The following VAV3 variants were observed in gnomAD, a reference collection of about 807,000 sequenced individuals.
VAV3 encodes guanine nucleotide exchange factor VAV3.
Under a neutral mutation model 131.2 loss-of-function variants are expected in VAV3, and 94 were observed. The ratio of observed to expected loss-of-function variants is 0.72; its 90% CI spans 0.61 to 0.85. The LOEUF (loss-of-function observed/expected upper bound fraction) is 0.85, where lower values mean the gene tolerates loss of function less well. VAV3 is among the 40% of genes least tolerant of loss of function. The probability of loss-of-function intolerance (pLI) is 0.00; values close to 1 mark genes in which losing one functional copy is unlikely to be tolerated. For synonymous variants in VAV3, 349 were observed against 342.0 expected, an observed-to-expected ratio of 1.02 and a Z score of -0.22; for missense variants, 939 against 1,002.7, an observed-to-expected ratio of 0.94 and a Z score of 0.86.
intron 2 of VAV3, among the ~76,000 whole-genome samples, chr1:107,780,265 C>T (rs1294152337): frequency 6.6e-6 from 1 of 152,176 alleles, no homozygotes; most frequent in Non-Finnish European, 1.5e-5. Context: ...AGTAGCTATT[C>T]TGTATAATCA....
At chr1:107,797,407 A>G (rs949549275) in intron 2 of VAV3, among the ~76,000 whole-genome samples, 1 of 152,192 alleles carries the variant, frequency 6.6e-6, no homozygotes, top group Non-Finnish European at 1.5e-5. Context: ...CAAGGGAAAG[A>G]TGTAATCCCT....
At chr1:107,766,821 G>GA (rs1664758004) in intron 7 of VAV3, among the ~76,000 whole-genome samples, 1 of 151,988 alleles carries the variant, frequency 6.6e-6, no homozygotes, top group Non-Finnish European at 1.5e-5. Context: ...AAGATAAGGG[G>GA]AAGGCAGAGG....
At chr1:107,925,907 T>TGTTATATAC (rs1248291985) in intron 1 of VAV3, among the ~76,000 whole-genome samples, 1 of 151,344 alleles carries the variant, frequency 6.6e-6, no homozygotes, top group Non-Finnish European at 1.5e-5. Context: ...ATGATATATA[T>TGTTATATAC]GTTACATATA....
In VAV3 at chr1:107,749,453, A is replaced by T. The variant is rs765526823; in HGVS notation, c.1392+9T>A. On this transcript the variant is annotated intron_variant, in intron 14 of 26. Coordinates refer to ENST00000370056, the MANE Select transcript of VAV3 (RefSeq NM_006113.5). ...AGTAAATTACAGTTATTAGTTTCCAAAAAGTCACCTTTTTGTTTTCTTTAT... is the reference window on the plus strand; with the variant it reads ...AGTAAATTACAGTTATTAGTTTCCATAAAGTCACCTTTTTGTTTTCTTTAT... 3.2e-6 allele frequency: 5 copies of T among 1,585,662 alleles called. No individual in the cohort carries two copies. Among genetic ancestry groups the T allele is most frequent in the Non-Finnish European group, 4.3e-6 (5 of 1,172,676 alleles).
chr1:107,602,012 C>A (rs1032881355), intron 24 of VAV3, among the ~76,000 whole-genome samples: 2 of 151,818 alleles, frequency 1.3e-5, no homozygotes, highest in African/African-American at 2.4e-5. Context: ...AAAAAATGAA[C>A]CTAAATGTTA....
Position 107,740,532 on chromosome 1 carries a change from T to C in VAV3, c.1502+8436A>G, listed in dbSNP as rs114409675. Among the ~76,000 whole-genome samples the C allele has an allele frequency of 6.4e-3, 978 of 152,264 alleles. 10 individuals are homozygous for C. Among genetic ancestry groups the C allele is most frequent in the African/African-American group, 0.02 (837 of 41,544 alleles). On this transcript the variant is annotated intron_variant, in intron 15 of 26. Transcript: ENST00000370056. ...TAATTCATCCAGGTTTATAGTTTTTTTTGGTGGAGTTAAAAAACATTTTGG... is the reference window on the plus strand; with the variant it reads ...TAATTCATCCAGGTTTATAGTTTTTCTTGGTGGAGTTAAAAAACATTTTGG...
At chr1:107,648,489 C>T (rs954700661) in intron 19 of VAV3, among the ~76,000 whole-genome samples, 1 of 151,880 alleles carries the variant, frequency 6.6e-6, no homozygotes, top group Admixed American at 6.6e-5. Flanking sequence ...AAATGTTTCC[C>T]TAAAATATTT....
chr1:107,760,900 C>T (rs1018549307), intron 9 of VAV3, 21 bp from the exon 10 acceptor site: 3 of 1,585,780 alleles, frequency 1.9e-6, no homozygotes, highest in Non-Finnish European at 2.6e-6. Flanking sequence ...GTTTTAAAAA[C>T]ACTTTGTTAG....
At chr1:107,694,971 C>T (rs1448286639) in intron 17 of VAV3, among the ~76,000 whole-genome samples, 1 of 152,126 alleles carries the variant, frequency 6.6e-6, no homozygotes, top group African/African-American at 2.4e-5. Context: ...TTAGGAGTGT[C>T]AGAAAAGGTT....
intron 2 of VAV3, among the ~76,000 whole-genome samples, chr1:107,820,167 T>C (rs1428818496): frequency 2.0e-5 from 3 of 152,212 alleles, no homozygotes; most frequent in Admixed American, 1.3e-4. Context: ...CCCCTGTTTA[T>C]CACAGTACTG....
chr1:107,711,411 C>T (rs1212405365), intron 15 of VAV3, among the ~76,000 whole-genome samples: 1 of 152,162 alleles, frequency 6.6e-6, no homozygotes, highest in Non-Finnish European at 1.5e-5. Context: ...GTATAAATCA[C>T]ATTTTTTTTA....
chr1:107,803,053 C>A (rs1468256640), intron 2 of VAV3, among the ~76,000 whole-genome samples: 1 of 151,874 alleles, frequency 6.6e-6, no homozygotes, highest in Non-Finnish European at 1.5e-5. Context: ...TCTATTTCTT[C>A]GTGGCTTAAT....
intron 1 of VAV3, among the ~76,000 whole-genome samples, chr1:107,888,514 A>T (rs142993792): frequency 5.8e-4 from 89 of 152,228 alleles, no homozygotes; most frequent in African/African-American, 2.0e-3. Flanking sequence ...GCTGGAGTAC[A>T]ATGGTGCAAT....
intron 15 of VAV3, among the ~76,000 whole-genome samples, chr1:107,741,605 T>A (rs1180664628): frequency 3.3e-5 from 5 of 152,050 alleles, no homozygotes; most frequent in African/African-American, 1.2e-4. Flanking sequence ...AAGGCATAGA[T>A]CCTTTCTCCT....
intron 2 of VAV3, among the ~76,000 whole-genome samples, chr1:107,825,452 C>T (rs1288406382): frequency 2.6e-5 from 4 of 151,062 alleles, no homozygotes; most frequent in East Asian, 1.9e-4. Context: ...ATAGTACCCT[C>T]GCGGGAAAAA....
At chr1:107,900,161 A>C (rs576531919) in intron 1 of VAV3, among the ~76,000 whole-genome samples, 36 of 152,218 alleles carry the variant, frequency 2.4e-4, no homozygotes, top group Non-Finnish European at 4.3e-4. Context: ...ACAGTTACAC[A>C]TGGATAGAAA....
intron 2 of VAV3, among the ~76,000 whole-genome samples, chr1:107,868,674 T>G (rs933420095): frequency 1.3e-5 from 2 of 152,176 alleles, no homozygotes; most frequent in Non-Finnish European, 2.9e-5. Context: ...GACTTTGTCT[T>G]TATATCTCCT....
intron 1 of VAV3, among the ~76,000 whole-genome samples, chr1:107,910,763 C>T (rs1466055219): frequency 2.6e-5 from 4 of 151,946 alleles, no homozygotes; most frequent in East Asian, 1.9e-4. Context: ...GCAAATCACC[C>T]GATGTCAGGA....
chr1:107,692,230 T>G (rs1298593758), intron 17 of VAV3, among the ~76,000 whole-genome samples: 1 of 152,200 alleles, frequency 6.6e-6, no homozygotes, highest in African/African-American at 2.4e-5. Context: ...TGTTCACTAC[T>G]CAGATATACA....
Sources: allele counts gnomAD v4.1 joint callset (sites outside exome capture counted in the v4.1 genomes callset), GRCh38; gene constraint gnomAD v4.1.1; transcripts MANE v1.5; gene names NCBI Gene and HGNC (gene_info 2026-07-23, HGNC 2026-07-21).